Variants in CDKAL1 observed in about 807,000 individuals in gnomAD.
The protein encoded by CDKAL1 is threonylcarbamoyladenosine tRNA methylthiotransferase.
Under a neutral mutation model 68.2 loss-of-function variants are expected in CDKAL1, and 32 were observed. The observed-to-expected ratio is 0.47, with a 90% CI of 0.35 to 0.63. The LOEUF (loss-of-function observed/expected upper bound fraction) is 0.63. CDKAL1 is among the 30% of genes least tolerant of loss of function. CDKAL1 has a pLI of 0.00. For missense variants in CDKAL1, 606 were observed against 696.7 expected (o/e 0.87, Z 1.47); for synonymous variants, 234 against 244.3 (o/e 0.96, Z 0.39).
At chr6:20,921,022 A>G (rs1365169262) in intron 9 of CDKAL1, among the ~76,000 whole-genome samples, 1 of 152,166 alleles carries the variant, frequency 6.6e-6, no homozygotes, top group African/African-American at 2.4e-5. Context: ...AGATAAAAAA[A>G]GCTTCCATTT....
intron 2 of CDKAL1, among the ~76,000 whole-genome samples, chr6:20,541,415 CT>C (rs1763383283): frequency 6.6e-6 from 1 of 152,152 alleles, no homozygotes; most frequent in Admixed American, 6.5e-5. Context: ...AGTAGGCTTC[CT>C]CCCTGTAGCA....
At position 21,079,535 on chromosome 6, in the gene CDKAL1, A is replaced by G. The variant is rs181452022; in HGVS notation, c.1236+14307A>G. Among the ~76,000 whole-genome samples the G allele has an allele frequency of 8.1e-4, 123 of 152,304 alleles. 1 individual carries two copies. The highest frequency in any genetic ancestry group is 2.8e-3 in the African/African-American group (118 of 41,558). On this transcript the variant is annotated intron_variant, in intron 12 of 15. Coordinates refer to ENST00000274695, the MANE Select transcript of CDKAL1 (RefSeq NM_017774.3). ...CCCAGACTTAGTTGCATGTCAGCAA[A>G]TTATTCTGTGTTCTATGGAAAACAT...
At chr6:20,686,534 C>T (rs972413163) in intron 5 of CDKAL1, among the ~76,000 whole-genome samples, 2 of 152,170 alleles carry the variant, frequency 1.3e-5, no homozygotes, top group Non-Finnish European at 2.9e-5. Context: ...AGGGCTCGCA[C>T]TGATTTTATA....
At chr6:20,715,216 A>T (rs1023227292) in intron 5 of CDKAL1, among the ~76,000 whole-genome samples, 3 of 152,062 alleles carry the variant, frequency 2.0e-5, no homozygotes, top group African/African-American at 7.2e-5. Context: ...ATTTTCTCCC[A>T]CTTCTGCCAG....
intron 8 of CDKAL1, among the ~76,000 whole-genome samples, chr6:20,793,513 T>C (rs992279409): frequency 1.3e-5 from 2 of 152,052 alleles, no homozygotes; most frequent in Non-Finnish European, 2.9e-5. Flanking sequence ...ATAATGAGAG[T>C]CTTCTGTATA....
At chr6:20,696,941 G>A (rs58713810) in intron 5 of CDKAL1, among the ~76,000 whole-genome samples, 11,744 of 152,010 alleles carry the variant, frequency 0.077, 1,440 homozygotes, top group African/African-American at 0.26. Context: ...ATTGGCTCAC[G>A]AAGATTAAAA....
intron 4 of CDKAL1, among the ~76,000 whole-genome samples, chr6:20,627,909 AG>A (rs1767503571): frequency 6.6e-6 from 1 of 152,188 alleles, no homozygotes; most frequent in African/African-American, 2.4e-5. Flanking sequence ...TAGTATACAA[AG>A]GTCATGATTT....
At chr6:21,073,625 T>G (rs1304789245) in intron 12 of CDKAL1, among the ~76,000 whole-genome samples, 1 of 152,212 alleles carries the variant, frequency 6.6e-6, no homozygotes, top group East Asian at 1.9e-4. Context: ...TTTCATATAC[T>G]TATTTGCCAT....
intron 1 of CDKAL1, 56 bp from the exon 2 acceptor site, chr6:20,535,295 G>A (rs1293051303): frequency 1.3e-5 from 2 of 152,338 alleles, no homozygotes; most frequent in Admixed American, 6.5e-5. Context: ...AATCCTTACA[G>A]TGGTTTTGTG....
At chr6:20,729,602 T>C (rs894683026) in intron 5 of CDKAL1, among the ~76,000 whole-genome samples, 1 of 152,194 alleles carries the variant, frequency 6.6e-6, no homozygotes, top group Non-Finnish European at 1.5e-5. Flanking sequence ...TTAAAGTGCT[T>C]TCACATATTA....
chr6:20,922,427 C>A (rs752992006), intron 9 of CDKAL1, among the ~76,000 whole-genome samples: 2 of 151,898 alleles, frequency 1.3e-5, no homozygotes, highest in Non-Finnish European at 2.9e-5. Flanking sequence ...TCACCTAAGA[C>A]GCATAGGAGC....
intron 10 of CDKAL1, among the ~76,000 whole-genome samples, chr6:20,992,016 CT>C (rs35586782): frequency 1.5e-5 from 2 of 131,634 alleles, no homozygotes; most frequent in African/African-American, 2.8e-5. Context: ...TTTCCCCCAC[CT>C]TTTTTTTTCT....
At chr6:20,963,933 C>T (rs1020961220) in intron 10 of CDKAL1, among the ~76,000 whole-genome samples, 4 of 152,062 alleles carry the variant, frequency 2.6e-5, no homozygotes, top group Non-Finnish European at 4.4e-5. Context: ...GTATAAACTT[C>T]TGAACTTCCC....
At chr6:20,890,926 C>T (rs971038378) in intron 9 of CDKAL1, among the ~76,000 whole-genome samples, 10 of 152,276 alleles carry the variant, frequency 6.6e-5, no homozygotes, top group African/African-American at 1.4e-4. Flanking sequence ...TTTAGTTCCT[C>T]ATCTAAATGC....
At chr6:21,137,026 C>T (rs1162138458) in intron 13 of CDKAL1, among the ~76,000 whole-genome samples, 1 of 152,098 alleles carries the variant, frequency 6.6e-6, no homozygotes, top group African/African-American at 2.4e-5. Context: ...TCCCCTCGCC[C>T]CCACCCCTTA....
chr6:20,936,204 AT>A (rs573477445), intron 9 of CDKAL1, among the ~76,000 whole-genome samples: 2 of 132,880 alleles, frequency 1.5e-5, no homozygotes, highest in African/African-American at 5.6e-5. Context: ...TTTTCTGTAC[AT>A]TTTTTTAAAA....
chr6:20,679,154 C>T, intron 5 of CDKAL1, among the ~76,000 whole-genome samples: 1 of 152,198 alleles, frequency 6.6e-6, no homozygotes, highest in Non-Finnish European at 1.5e-5. Context: ...CCTCAAGCAA[C>T]CCTCCTCCTG....
chr6:21,113,350 A>G lies in CDKAL1; in HGVS notation c.1299+4887A>G, dbSNP rs973369974. 3.3e-5 allele frequency among the ~76,000 whole-genome samples: 5 copies of G among 152,160 alleles called. 1 individual carries two copies. Among genetic ancestry groups the G allele is most frequent in the African/African-American group, 9.6e-5 (4 of 41,454 alleles). On this transcript the variant is annotated intron_variant, in intron 13 of 15. Coordinates refer to ENST00000274695, the MANE Select transcript of CDKAL1 (RefSeq NM_017774.3). ...AAGTATTACTACAGAGAGTGGTTGA[A>G]TAAAAGAAATAATAGGCTAAACATG...
chr6:21,069,779 T>C lies in CDKAL1; in HGVS notation c.1236+4551T>C, dbSNP rs1453655939. On this transcript the variant is annotated intron_variant, in intron 12 of 15. Transcript: ENST00000274695. ...AAATCCCCCAGATTTTCTTTCTTTT[T>C]TTTTTTTTTTTTTTTTTTTTTTTTT... Among the ~76,000 whole-genome samples, 161 of 59,094 alleles carry C rather than the reference T, an allele frequency of 2.7e-3. 7 individuals carry two copies. In the East Asian group the frequency reaches 0.15, roughly 55 times the overall value. The allele number at this position is 59,094 out of a possible 152,430, so 38.8% of individuals were successfully genotyped here. A position where few individuals can be genotyped will look rare whatever the true frequency, so the allele number is the denominator to read the frequency against.
Sources: allele counts gnomAD v4.1 joint callset (sites outside exome capture counted in the v4.1 genomes callset), GRCh38; gene constraint gnomAD v4.1.1; transcripts MANE v1.5; gene names NCBI Gene and HGNC (gene_info 2026-07-23, HGNC 2026-07-21).